The following ADRA1D variants were observed in gnomAD, a reference collection of about 807,000 sequenced individuals.
The protein encoded by ADRA1D is alpha-1D adrenergic receptor.
Under a neutral mutation model 18.6 loss-of-function variants are expected in ADRA1D, and 22 were observed. The ratio of observed to expected loss-of-function variants is 1.19; its 90% CI spans 0.85 to 1.69. The LOEUF is 1.69. Ranked by LOEUF, ADRA1D falls within the 40% of genes most tolerant of loss-of-function variation. The probability of loss-of-function intolerance (pLI) is 0.00; values close to 1 mark genes in which losing one functional copy is unlikely to be tolerated. For synonymous variants in ADRA1D, 376 were observed against 388.2 expected, an observed-to-expected ratio of 0.97 and a Z score of 0.37; for missense variants, 840 against 840.7, an observed-to-expected ratio of 1.00 and a Z score of 0.01.
At chr20:4,229,442 G>T (rs1482586278) in intron 1 of ADRA1D, among the ~76,000 whole-genome samples, 1 of 152,164 alleles carries the variant, frequency 6.6e-6, no homozygotes, top group Non-Finnish European at 1.5e-5. Flanking sequence ...GAGTGTGCTT[G>T]TGATATGTGG....
chr20:4,233,477 T>A (rs1394247669), intron 1 of ADRA1D, among the ~76,000 whole-genome samples: 1 of 151,938 alleles, frequency 6.6e-6, no homozygotes, highest in African/African-American at 2.4e-5. Context: ...GCATGGTGGC[T>A]GCATGTACCT....
chr20:4,232,237 G>C (rs1458462998), intron 1 of ADRA1D, among the ~76,000 whole-genome samples: 2 of 152,200 alleles, frequency 1.3e-5, no homozygotes, highest in East Asian at 3.9e-4. Context: ...CACAAGGCTG[G>C]TCTGGCGAGG....
chr20:4,232,040 G>A (rs1027567613), intron 1 of ADRA1D, among the ~76,000 whole-genome samples: 2 of 152,198 alleles, frequency 1.3e-5, no homozygotes, highest in African/African-American at 2.4e-5. Flanking sequence ...AGCCTCCCAA[G>A]TAGCTGGGAA....
intron 1 of ADRA1D, among the ~76,000 whole-genome samples, chr20:4,245,325 A>G (rs1981310389): frequency 1.3e-5 from 2 of 152,240 alleles, no homozygotes; most frequent in Admixed American, 6.5e-5. Context: ...TGCCATTCAT[A>G]TAAATCTCAA....
In ADRA1D at chr20:4,239,897, T is replaced by G. The variant is rs964103343; in HGVS notation, c.1111+7950A>C. On this transcript the variant is annotated intron_variant, in intron 1 of 1. Transcript: ENST00000379453. The surrounding 1 kb of genome is among the most constrained non-coding windows in gnomAD (Gnocchi z 4.9). ...TCATTTTAGAATGCTAGTGAATAAA[T>G]GAAGGAGGTATGATAGGATTAGAAT... 1.3e-5 allele frequency among the ~76,000 whole-genome samples: 2 copies of G among 152,186 alleles called. No individual in the cohort carries two copies. The highest frequency in any genetic ancestry group is 4.1e-4 in the South Asian group (2 of 4,838).
chr20:4,230,765 C>T (rs370211690), intron 1 of ADRA1D, among the ~76,000 whole-genome samples: 38 of 152,324 alleles, frequency 2.5e-4, no homozygotes, highest in African/African-American at 8.4e-4. Context: ...AATTCAGCCA[C>T]GTTAAGCCTC....
At position 4,248,986 on chromosome 20, in the gene ADRA1D, CGGGGCACA is replaced by C. The variant is rs1356295123; in HGVS notation, c.-37_-30del. On this transcript the variant is annotated 5_prime_UTR_variant, in exon 1 of 2. It removes the in-frame stop codon of an upstream open reading frame in the 5' UTR. Coordinates refer to ENST00000379453, the MANE Select transcript of ADRA1D (RefSeq NM_000678.4). ...AACGCGCGGCCGTCGGTGGCCGGGC[CGGGGCACA>C]GAACGAGCGGCCGGCAGGGAGGGGA... 3.1e-6 allele frequency: 4 copies of C among 1,309,002 alleles called. No homozygotes were observed. Among genetic ancestry groups the C allele is most frequent in the Non-Finnish European group, 3.9e-6 (4 of 1,017,980 alleles). 81.1% of individuals were successfully genotyped at this position (1,309,002 alleles called of 1,614,324 possible). A position where few individuals can be genotyped will look rare whatever the true frequency, so the allele number is the denominator to read the frequency against.
In ADRA1D at chr20:4,222,080, A is replaced by G. The variant is rs766638344; in HGVS notation, c.1162T>C (p.Phe388Leu). ...KPSEGVFKVI[F>L]WLGYFNSCVN... is the part of the protein sequence containing the mutation. ...CAGCTGTTGAAGTAGCCGAGCCAGAAGATGACCTTGAAGACGCCCTCCGAT... is the reference window on the plus strand; with the variant it reads ...CAGCTGTTGAAGTAGCCGAGCCAGAGGATGACCTTGAAGACGCCCTCCGAT... Residue 388 changes from phenylalanine (F) to leucine (L), a missense_variant, in exon 2 of 2, where the codon TTC becomes CTC. Phe to Leu is a conservative substitution (Grantham distance 22, BLOSUM62 0). Coordinates refer to ENST00000379453, the MANE Select transcript of ADRA1D (RefSeq NM_000678.4). The surrounding 1 kb of genome is among the most constrained non-coding windows in gnomAD (Gnocchi z 4.3). 6 of 1,613,038 alleles carry G rather than the reference A, an allele frequency of 3.7e-6. No individual in the cohort carries two copies. The highest frequency in any genetic ancestry group is 5.1e-6 in the Non-Finnish European group (6 of 1,179,586).
At chr20:4,224,779 A>G (rs975608545) in intron 1 of ADRA1D, among the ~76,000 whole-genome samples, 1 of 150,674 alleles carries the variant, frequency 6.6e-6, no homozygotes, top group African/African-American at 2.4e-5. Flanking sequence ...AAAAAAAAAG[A>G]GCAGGGATCC....
chr20:4,221,834 G>T lies in ADRA1D; in HGVS notation c.1408C>A (p.Pro470Thr), dbSNP rs781518731. Reference protein sequence around the residue: ...APLALTALPDPDPEPPGTPEM... With the variant: ...APLALTALPDTDPEPPGTPEM... ...GGCGTGCCTGGGGGTTCGGGGTCGG[G>T]GTCGGGGAGCGCGGTGAGGGCCAGC... Residue 470 changes from proline (P) to threonine (T), a missense_variant, in exon 2 of 2, where the codon CCC (proline) becomes ACC (threonine). Transcript: ENST00000379453. 5.3e-6 allele frequency: 8 copies of T among 1,501,824 alleles called. No homozygotes were observed. The highest frequency in any genetic ancestry group is 7.1e-6 in the Non-Finnish European group (8 of 1,131,612). 93.0% of individuals were successfully genotyped at this position (1,501,824 alleles called of 1,614,324 possible).
At position 4,221,490 on chromosome 20, in the gene ADRA1D, C is replaced by A; in HGVS notation, c.*33G>T. 1 of 1,581,738 alleles carries A rather than the reference C, an allele frequency of 6.3e-7. No individual in the cohort carries two copies. Among genetic ancestry groups the A allele is most frequent in the Non-Finnish European group, 8.6e-7 (1 of 1,159,456 alleles). On this transcript the variant is annotated 3_prime_UTR_variant, in exon 2 of 2. Coordinates refer to ENST00000379453, the MANE Select transcript of ADRA1D (RefSeq NM_000678.4). ...CTCTCTGGTCCCCCTTACCCCCAAG[C>A]CCAGCACACTCCGCGGCCTAGCTCT... is the stretch of plus-strand genomic sequence containing the variant.
chr20:4,248,024 C>T lies in ADRA1D; in HGVS notation c.934G>A (p.Ala312Thr). Residue 312 changes from alanine (A) to threonine (T), a missense_variant, in exon 1 of 2, where the codon GCC becomes ACC. Transcript: ENST00000379453. ...VVLRIHCRGA[A>T]TGADGAHGMR... ...CCGTGCGCCCCGTCGGCGCCCGTGG[C>T]CGCGCCGCGACAGTGGATGCGCAGC... The T allele has an allele frequency of 6.4e-7, 1 of 1,553,116 alleles. No homozygotes were observed. The highest frequency in any genetic ancestry group is 8.7e-7 in the Non-Finnish European group (1 of 1,149,160).
intron 1 of ADRA1D, among the ~76,000 whole-genome samples, chr20:4,234,430 C>T (rs770496814): frequency 2.1e-4 from 32 of 152,342 alleles, no homozygotes; most frequent in Non-Finnish European, 4.0e-4. Context: ...TATCAGGCTG[C>T]ACCCCAGCCT....
Position 4,222,131 on chromosome 20 carries a change from C to G in ADRA1D, c.1112-1G>C. Reference sequence around the variant, plus strand: ...GGCTTCAGCTGCGGGAACAAGGAGCCTGTAGGGAGCAGAGACCGATACTAT... The same window carrying G: ...GGCTTCAGCTGCGGGAACAAGGAGCGTGTAGGGAGCAGAGACCGATACTAT... On this transcript the variant is annotated splice_acceptor_variant, in intron 1 of 1. Transcript: ENST00000379453. LOFTEE classifies it high-confidence loss of function. This position sits in a 1 kb window ranked among gnomAD's most constrained non-coding sequence, Gnocchi z 4.3. 6.2e-7 allele frequency: 1 copy of G among 1,611,900 alleles called. No homozygotes were observed. Among genetic ancestry groups the G allele is most frequent in the Non-Finnish European group, 8.5e-7 (1 of 1,179,166 alleles).
rs1555820745 is a variant in ADRA1D, at chr20:4,227,704, CTCCTTCCTTCCTTCCTTCCT to C, written c.1112-5594_1112-5575del. Among the ~76,000 whole-genome samples, 65 of 92,614 alleles carry C rather than the reference CTCCTTCCTTCCTTCCTTCCT, an allele frequency of 7.0e-4. 1 individual carries two copies. The highest frequency in any genetic ancestry group is 5.0e-3 in the South Asian group (13 of 2,600). 60.8% of individuals were successfully genotyped at this position (92,614 alleles called of 152,430 possible). A position where few individuals can be genotyped will look rare whatever the true frequency, so the allele number is the denominator to read the frequency against. ...CTTCCCTCTCTCCCTCCCTCCCTCC[CTCCTTCCTTCCTTCCTTCCT>C]TCCTTCCTTCCTTCCTTCCTTCCTT... is the stretch of plus-strand genomic sequence containing the variant. On this transcript the variant is annotated intron_variant, in intron 1 of 1. Coordinates refer to ENST00000379453, the MANE Select transcript of ADRA1D (RefSeq NM_000678.4).
chr20:4,243,568 C>T (rs1981267567), intron 1 of ADRA1D, among the ~76,000 whole-genome samples: 1 of 152,168 alleles, frequency 6.6e-6, no homozygotes, highest in Non-Finnish European at 1.5e-5. Context: ...GGGAGCACTA[C>T]TAGCTATCCC....
chr20:4,235,058 G>A (rs1317193389), intron 1 of ADRA1D, among the ~76,000 whole-genome samples: 2 of 152,188 alleles, frequency 1.3e-5, no homozygotes, highest in Non-Finnish European at 2.9e-5. Flanking sequence ...TGAGTCGAGG[G>A]CACCGTGGGC....
intron 1 of ADRA1D, among the ~76,000 whole-genome samples, chr20:4,236,454 A>G (rs577723027): frequency 6.6e-6 from 1 of 152,238 alleles, no homozygotes; most frequent in Admixed American, 6.5e-5. Context: ...AGGAACTGAG[A>G]CTGATGCTCA....
chr20:4,224,925 A>T (rs1157997121), intron 1 of ADRA1D, among the ~76,000 whole-genome samples: 1 of 151,204 alleles, frequency 6.6e-6, no homozygotes, highest in Non-Finnish European at 1.5e-5. Context: ...AGGGTCCCAT[A>T]GCATCATATG....
Sources: gnomAD v4.1 joint callset for allele counts (sites outside exome capture counted in the v4.1 genomes callset) on GRCh38, gnomAD v4.1.1 for gene constraint, Gnocchi (gnomAD v3.1) non-coding constraint, MANE v1.5 for transcripts, NCBI Gene and HGNC (gene_info 2026-07-23, HGNC 2026-07-21) for gene names.